AGBL4: variants seen among roughly 807,000 people sequenced by gnomAD.
AGBL4 encodes the protein AGBL carboxypeptidase 4.
Under a neutral mutation model 66.4 loss-of-function variants are expected in AGBL4, and 58 were observed. The ratio of observed to expected loss-of-function variants is 0.87; its 90% CI spans 0.71 to 1.09. AGBL4 has a LOEUF of 1.09. Among genes scored for constraint, AGBL4 ranks in the 50% least tolerant of loss-of-function variants. AGBL4 has a pLI of 0.00. For synonymous variants in AGBL4, 234 were observed against 222.9 expected, an observed-to-expected ratio of 1.05 and a Z score of -0.44; for missense variants, 579 against 631.0, an observed-to-expected ratio of 0.92 and a Z score of 0.88.
chr1:49,375,690 G>A (rs1644458556), intron 3 of AGBL4, among the ~76,000 whole-genome samples: 3 of 152,040 alleles, frequency 2.0e-5, no homozygotes, highest in African/African-American at 7.2e-5. Flanking sequence ...AAGAAATATG[G>A]ACAAAGCACA....
At position 48,978,565 on chromosome 1, in the gene AGBL4, C is replaced by A. The variant is rs547927677; in HGVS notation, c.594+67019G>T. On this transcript the variant is annotated intron_variant, in intron 5 of 13. Transcript: ENST00000371839. ...ATGCTGCAGAGTCCCTCTCTAAGCT[C>A]CTAGGTCCTGATAACTCCCACTTGT... 5.9e-5 allele frequency among the ~76,000 whole-genome samples: 9 copies of A among 152,260 alleles called. No homozygotes were observed. The South Asian group carries it at 1.9e-3, about 32-fold the overall frequency.
chr1:48,836,097 A>T (rs986815349), intron 6 of AGBL4, among the ~76,000 whole-genome samples: 8 of 152,016 alleles, frequency 5.3e-5, no homozygotes, highest in South Asian at 2.1e-4. Flanking sequence ...GACATTTTGG[A>T]GCAGGGTGGT....
chr1:48,645,622 G>C (rs182409441), intron 8 of AGBL4, among the ~76,000 whole-genome samples: 2 of 152,112 alleles, frequency 1.3e-5, no homozygotes, highest in African/African-American at 4.8e-5. Flanking sequence ...TTGAAGGGGG[G>C]TACCTAATCT....
At chr1:49,000,526 T>G (rs1479416057) in intron 5 of AGBL4, among the ~76,000 whole-genome samples, 1 of 152,246 alleles carries the variant, frequency 6.6e-6, no homozygotes, top group Non-Finnish European at 1.5e-5. Flanking sequence ...GAATCAGTTT[T>G]CTAATATGTA....
At chr1:49,696,004 C>G (rs939556488) in intron 3 of AGBL4, among the ~76,000 whole-genome samples, 1 of 152,006 alleles carries the variant, frequency 6.6e-6, no homozygotes, top group African/African-American at 2.4e-5. Context: ...GAGAAGCAAG[C>G]AATCAAGGGA....
At chr1:49,609,259 C>T (rs1374933416) in intron 3 of AGBL4, among the ~76,000 whole-genome samples, 2 of 152,096 alleles carry the variant, frequency 1.3e-5, no homozygotes, top group African/African-American at 4.8e-5. Context: ...CTGTGTTTTT[C>T]ACTTATGATA....
chr1:49,010,937 AC>A (rs1258710179), intron 5 of AGBL4, among the ~76,000 whole-genome samples: 1 of 152,216 alleles, frequency 6.6e-6, no homozygotes, highest in Non-Finnish European at 1.5e-5. Context: ...CTAGAAGAAA[AC>A]CTAGGCAATA....
At chr1:49,459,106 T>A (rs550324950) in intron 3 of AGBL4, among the ~76,000 whole-genome samples, 1 of 151,712 alleles carries the variant, frequency 6.6e-6, no homozygotes, top group Non-Finnish European at 1.5e-5. Context: ...ATTAGGGTGA[T>A]ACTGGCTTCA....
chr1:48,624,780 T>C (rs1297955447), intron 9 of AGBL4, among the ~76,000 whole-genome samples: 1 of 152,232 alleles, frequency 6.6e-6, no homozygotes. Flanking sequence ...GCAGGTGGGT[T>C]CTAAAGAGTA....
Position 48,795,137 on chromosome 1 carries a change from C to T in AGBL4, c.634+72054G>A, listed in dbSNP as rs538570183. 2.6e-5 allele frequency among the ~76,000 whole-genome samples: 4 copies of T among 152,296 alleles called. No individual in the cohort carries two copies. In the South Asian group the frequency reaches 8.3e-4, roughly 32 times the overall value. On this transcript the variant is annotated intron_variant, in intron 6 of 13. Transcript: ENST00000371839. The stretch of plus-strand genomic sequence containing the variant: ...TCCTAGTTCAATTTTTATTTCCCTG[C>T]TGTAAATCTTACCCCTTCCCAATGC...
At chr1:49,183,092 G>A (rs1357570170) in intron 4 of AGBL4, among the ~76,000 whole-genome samples, 1 of 152,096 alleles carries the variant, frequency 6.6e-6, no homozygotes, top group African/African-American at 2.4e-5. Flanking sequence ...CTAATCAAAT[G>A]TAGTGAGTGA....
At chr1:49,177,492 T>C (rs573700352) in intron 4 of AGBL4, among the ~76,000 whole-genome samples, 1 of 152,290 alleles carries the variant, frequency 6.6e-6, no homozygotes, top group South Asian at 2.1e-4. Flanking sequence ...ACATGCCTAT[T>C]TGCTGATGAA....
chr1:49,561,872 G>A (rs1362849249), intron 3 of AGBL4, among the ~76,000 whole-genome samples: 3 of 152,022 alleles, frequency 2.0e-5, no homozygotes, highest in African/African-American at 4.8e-5. Context: ...AGATCCCTGA[G>A]GAATTGCCAC....
intron 6 of AGBL4, among the ~76,000 whole-genome samples, chr1:48,739,553 A>G (rs377501711): frequency 8.5e-5 from 13 of 152,268 alleles, no homozygotes; most frequent in African/African-American, 3.1e-4. Context: ...TGGGTGCTGG[A>G]GCTGCCAGCC....
At chr1:48,593,328 A>G (rs539618977) in intron 9 of AGBL4, among the ~76,000 whole-genome samples, 1 of 152,374 alleles carries the variant, frequency 6.6e-6, no homozygotes, top group African/African-American at 2.4e-5. Flanking sequence ...TCTTTGTGAC[A>G]GCCATATATA....
At chr1:49,853,737 C>T (rs1646362424) in intron 1 of AGBL4, among the ~76,000 whole-genome samples, 1 of 151,884 alleles carries the variant, frequency 6.6e-6, no homozygotes. Context: ...ACATATTTCT[C>T]TTTGAAATAT....
At chr1:49,104,655 G>A (rs1389663160) in intron 4 of AGBL4, among the ~76,000 whole-genome samples, 3 of 152,124 alleles carry the variant, frequency 2.0e-5, no homozygotes, top group African/African-American at 7.2e-5. Flanking sequence ...TCTTTCTAGT[G>A]TAGTTCTGTT....
chr1:49,543,292 T>A (rs1652210798), intron 3 of AGBL4, among the ~76,000 whole-genome samples: 1 of 152,128 alleles, frequency 6.6e-6, no homozygotes, highest in Admixed American at 6.5e-5. Flanking sequence ...GTGGGAAGAC[T>A]GATGAATTGA....
chr1:48,725,690 G>C (rs745329729), intron 6 of AGBL4, among the ~76,000 whole-genome samples: 2 of 152,164 alleles, frequency 1.3e-5, no homozygotes, highest in Non-Finnish European at 2.9e-5. Context: ...GACAGCTCCA[G>C]GACCTTGAGC....
Sources: allele counts gnomAD v4.1 joint callset (sites outside exome capture counted in the v4.1 genomes callset), GRCh38; gene constraint gnomAD v4.1.1; transcripts MANE v1.5; gene names NCBI Gene and HGNC (gene_info 2026-07-23, HGNC 2026-07-21).